The following RBM25 variants were observed in gnomAD, a reference collection of about 807,000 sequenced individuals.
RBM25 encodes the protein RNA binding motif protein 25.
In RBM25, 19 loss-of-function variants were observed where a neutral mutation model predicts 120.7. The ratio of observed to expected loss-of-function variants is 0.16; its 90% CI spans 0.11 to 0.23. The LOEUF (loss-of-function observed/expected upper bound fraction) is 0.23, where lower values mean the gene tolerates loss of function less well. RBM25 is among the 10% of genes least tolerant of loss of function. The pLI, the probability that RBM25 is intolerant of heterozygous loss-of-function variation, is 1.00. For synonymous variants in RBM25, 390 were observed against 326.7 expected, an observed-to-expected ratio of 1.19 and a Z score of -2.09; for missense variants, 605 against 1,041.5, an observed-to-expected ratio of 0.58 and a Z score of 5.77.
chr14:73,091,791 C>CACTTAAA (rs1895820054), intron 6 of RBM25, among the ~76,000 whole-genome samples: 1 of 152,010 alleles, frequency 6.6e-6, no homozygotes, highest in African/African-American at 2.4e-5. Context: ...ACAGGAAAAT[C>CACTTAAA]ACTTAAAACC....
chr14:73,083,553 T>C lies in RBM25; in HGVS notation c.382+2T>C, dbSNP rs2140437115. On this transcript the variant is annotated splice_donor_variant, in intron 5 of 18. Coordinates refer to ENST00000261973, the MANE Select transcript of RBM25 (RefSeq NM_021239.3). LOFTEE classifies it high-confidence loss of function. ...AAGGTGCTTCCGGAAAGCTTCAAGG[T>C]ATGTCATTTTTTTCCTTATTTGCTG... 6.4e-7 allele frequency: 1 copy of C among 1,568,070 alleles called. No individual in the cohort carries two copies. Among genetic ancestry groups the C allele is most frequent in the Non-Finnish European group, 8.6e-7 (1 of 1,166,090 alleles).
At chr14:73,083,455 TA>T in intron 4 of RBM25, 38 bp from the exon 5 acceptor site, 1 of 1,462,794 alleles carries the variant, frequency 6.8e-7, no homozygotes, top group Non-Finnish European at 9.2e-7. Flanking sequence ...ATTATTTTGT[TA>T]AATGGTAGCA....
intron 1 of RBM25, among the ~76,000 whole-genome samples, chr14:73,071,198 C>T (rs1392475469): frequency 3.4e-5 from 5 of 146,116 alleles, no homozygotes; most frequent in Non-Finnish European, 5.9e-5. Context: ...GCAGAGATTG[C>T]GCCACTGCAC....
chr14:73,086,887 TAGAG>T (rs1314098480), intron 5 of RBM25, among the ~76,000 whole-genome samples: 1 of 152,036 alleles, frequency 6.6e-6, no homozygotes, highest in Non-Finnish European at 1.5e-5. Flanking sequence ...GTATTTTTAG[TAGAG>T]AGAGGGTTTC....
chr14:73,068,393 T>TC, intron 1 of RBM25: 1 of 649,174 alleles, frequency 1.5e-6, no homozygotes, highest in Non-Finnish European at 2.7e-6. Context: ...TTTGATTTTT[T>TC]TTTTTTTTTT....
chr14:73,075,995 G>C (rs1895411751), intron 2 of RBM25, among the ~76,000 whole-genome samples: 1 of 152,056 alleles, frequency 6.6e-6, no homozygotes, highest in Admixed American at 6.6e-5. Flanking sequence ...CTATAAGTCA[G>C]TCTGTATTTG....
In RBM25 at chr14:73,071,042, G is replaced by A. The variant is rs574678070; in HGVS notation, c.-15-585G>A. On this transcript the variant is annotated intron_variant, in intron 1 of 18. Coordinates refer to ENST00000261973, the MANE Select transcript of RBM25 (RefSeq NM_021239.3). ...GGATCACTTGAGGTCAAGAGATGGA[G>A]ACCATCCTGGCCAACATGGTGAAAC... 2.0e-5 allele frequency among the ~76,000 whole-genome samples: 3 copies of A among 150,636 alleles called. No homozygotes were observed. In the East Asian group the frequency reaches 5.8e-4, roughly 29 times the overall value.
chr14:73,072,298 G>C (rs895739151), intron 2 of RBM25, among the ~76,000 whole-genome samples: 29 of 151,598 alleles, frequency 1.9e-4, no homozygotes, highest in African/African-American at 6.8e-4. Context: ...AAAAAAATGG[G>C]TAATACATAC....
In RBM25 at chr14:73,062,628, A is replaced by G. The variant is rs73301248; in HGVS notation, c.-16+3923A>G. Among the ~76,000 whole-genome samples the G allele has an allele frequency of 1.3e-3, 194 of 151,642 alleles. 3 individuals carry two copies. The highest frequency in any genetic ancestry group is 4.6e-3 in the African/African-American group (190 of 41,504). The stretch of plus-strand genomic sequence containing the variant: ...GATTCAAAGAGAAAAAAGTGAAAAA[A>G]GAAAAGCTGAGTGCATGCATATGTT... On this transcript the variant is annotated intron_variant, in intron 1 of 18. Transcript: ENST00000261973.
chr14:73,079,055 C>CT (rs1424017827), intron 4 of RBM25, among the ~76,000 whole-genome samples: 5 of 151,174 alleles, frequency 3.3e-5, no homozygotes, highest in Non-Finnish European at 5.9e-5. Flanking sequence ...TGTTGATTCA[C>CT]TTTTTTTACC....
chr14:73,068,460 G>T, intron 1 of RBM25: 1 of 799,670 alleles, frequency 1.3e-6, no homozygotes, highest in Non-Finnish European at 2.1e-6. Context: ...TTATCAGGAA[G>T]GAACAAATCC....
chr14:73,084,793 G>A (rs1895646152), intron 5 of RBM25, among the ~76,000 whole-genome samples: 1 of 150,736 alleles, frequency 6.6e-6, no homozygotes, highest in South Asian at 2.1e-4. Flanking sequence ...CTTATGATCC[G>A]CCCACCTCAG....
chr14:73,090,784 A>G (rs1046429695), intron 6 of RBM25, among the ~76,000 whole-genome samples: 3 of 152,166 alleles, frequency 2.0e-5, no homozygotes, highest in African/African-American at 4.8e-5. Context: ...TTGTACCTCC[A>G]CAGCATCTAG....
intron 2 of RBM25, among the ~76,000 whole-genome samples, chr14:73,075,867 A>G (rs368679269): frequency 6.7e-6 from 1 of 149,054 alleles, no homozygotes; most frequent in Admixed American, 6.7e-5. Flanking sequence ...GCAGATCTCG[A>G]TCTCCTGGGC....
At chr14:73,099,778 C>T in intron 9 of RBM25, 28 bp downstream of exon 9, 2 of 1,564,772 alleles carry the variant, frequency 1.3e-6, no homozygotes, top group South Asian at 1.2e-5. Flanking sequence ...TCACTTGATA[C>T]CAATCTAGAC....
At chr14:73,077,278 A>G in intron 3 of RBM25, 91 bp from the exon 4 acceptor site, 1 of 1,127,698 alleles carries the variant, frequency 8.9e-7, no homozygotes, top group Non-Finnish European at 1.3e-6. Flanking sequence ...TGCTATATAT[A>G]TTTATTTAAT....
Position 73,110,965 on chromosome 14 carries a change from A to G in RBM25, c.1827A>G (p.Gln609=), listed in dbSNP as rs775312783. The G allele has an allele frequency of 1.5e-5, 25 of 1,613,328 alleles. No homozygotes were observed. The highest frequency in any genetic ancestry group is 1.6e-4 in the Middle Eastern group (1 of 6,062). ...EPMEEEEEPE[Q]KPCLKPTLRP... Reference sequence around the variant, plus strand: ...TGGAAGAGGAAGAGGAGCCAGAGCAAAAGCCTTGTCTGAAACCTACTCTGA... The same window carrying G: ...TGGAAGAGGAAGAGGAGCCAGAGCAGAAGCCTTGTCTGAAACCTACTCTGA... The change falls in exon 15 of 19, where the codon CAA becomes CAG. Residue 609 remains glutamine (Q), a synonymous_variant. Coordinates refer to ENST00000261973, the MANE Select transcript of RBM25 (RefSeq NM_021239.3).
intron 6 of RBM25, among the ~76,000 whole-genome samples, chr14:73,090,293 C>G (rs1414192181): frequency 6.6e-6 from 1 of 151,828 alleles, no homozygotes; most frequent in Non-Finnish European, 1.5e-5. Context: ...TCAGGTGATC[C>G]ACCCACCTCG....
chr14:73,105,951 A>C lies in RBM25; in HGVS notation c.1247A>C (p.Glu416Ala). The change falls in exon 11 of 19, where the codon GAG (glutamate) becomes GCG (alanine). Residue 416 changes from glutamate to alanine, a missense_variant. Glu to Ala is a moderately radical substitution (Grantham distance 107). This residue lies in a region of RBM25 where 465 missense variants were observed against 741.6 expected (regional missense o/e 0.63). Coordinates refer to ENST00000261973, the MANE Select transcript of RBM25 (RefSeq NM_021239.3). The part of the protein sequence containing the change: ...ERERERERER[E>A]RERERERERE... ...GAACGAGAACGGGAGCGAGAGAGAG[A>C]GCGAGAGAGGGAACGGGAGCGAGAA... 1 of 1,613,576 alleles carries C rather than the reference A, an allele frequency of 6.2e-7. No individual in the cohort carries two copies. Among genetic ancestry groups the C allele is most frequent in the Non-Finnish European group, 8.5e-7 (1 of 1,179,748 alleles).
Sources: gnomAD v4.1 joint callset for allele counts (sites outside exome capture counted in the v4.1 genomes callset) on GRCh38, gnomAD v4.1.1 for gene constraint, gnomAD v4.1.1 regional missense constraint, MANE v1.5 for transcripts, NCBI Gene and HGNC (gene_info 2026-07-23, HGNC 2026-07-21) for gene names.